JARID2: variants seen among roughly 807,000 people sequenced by gnomAD.
JARID2 encodes the protein jumonji and AT-rich interaction domain containing 2.
A neutral mutation model predicts 125.6 loss-of-function variants in JARID2; 21 were observed. The ratio of observed to expected loss-of-function variants is 0.17; its 90% CI spans 0.12 to 0.24. The LOEUF (loss-of-function observed/expected upper bound fraction) is 0.24, where lower values mean the gene tolerates loss of function less well. Among genes scored for constraint, JARID2 ranks in the 10% least tolerant of loss-of-function variants. The pLI is 1.00. For synonymous variants in JARID2, 736 were observed against 661.6 expected (o/e 1.11, Z -1.73); for missense variants, 1,303 against 1,639.6 (o/e 0.79, Z 3.55).
At chr6:15,361,168 T>C (rs1479877985) in intron 1 of JARID2, among the ~76,000 whole-genome samples, 1 of 152,216 alleles carries the variant, frequency 6.6e-6, no homozygotes, top group Non-Finnish European at 1.5e-5. Context: ...ACGCCACATC[T>C]AGTCTGTCAG....
chr6:15,327,342 C>A (rs1248528755), intron 1 of JARID2, among the ~76,000 whole-genome samples: 1 of 152,054 alleles, frequency 6.6e-6, no homozygotes, highest in East Asian at 1.9e-4. Flanking sequence ...TTTTGACTCG[C>A]CTCCACCCCA....
At chr6:15,276,726 C>T (rs1471146354) in intron 1 of JARID2, among the ~76,000 whole-genome samples, 1 of 152,180 alleles carries the variant, frequency 6.6e-6, no homozygotes, top group Non-Finnish European at 1.5e-5. Context: ...TCTTGGGGTT[C>T]TCTGGAATGA....
At chr6:15,380,724 C>A (rs1391841046) in intron 2 of JARID2, among the ~76,000 whole-genome samples, 1 of 152,114 alleles carries the variant, frequency 6.6e-6, no homozygotes, top group African/African-American at 2.4e-5. Context: ...CTTTCAGAAT[C>A]TTTCAGTCAT....
intron 1 of JARID2, among the ~76,000 whole-genome samples, chr6:15,269,199 T>A (rs1561758371): frequency 6.6e-6 from 1 of 152,094 alleles, no homozygotes; most frequent in Non-Finnish European, 1.5e-5. Context: ...CTGTAAAACC[T>A]CCTAATCTGA....
intron 1 of JARID2, among the ~76,000 whole-genome samples, chr6:15,301,980 A>G (rs991904941): frequency 8.5e-5 from 13 of 152,242 alleles, no homozygotes; most frequent in African/African-American, 2.9e-4. Context: ...GTATATGTCA[A>G]GAGAAAGAAT....
intron 1 of JARID2, among the ~76,000 whole-genome samples, chr6:15,366,518 C>CGGGG (rs1367437795): frequency 6.9e-5 from 1 of 14,408 alleles, no homozygotes; most frequent in African/African-American, 1.5e-4. Context: ...GCGGGGGGGG[C>CGGGG]GGGGGGGGTG....
intron 2 of JARID2, among the ~76,000 whole-genome samples, chr6:15,404,088 A>G (rs1765549450): frequency 6.6e-6 from 1 of 152,202 alleles, no homozygotes; most frequent in African/African-American, 2.4e-5. Flanking sequence ...GTTGACCACA[A>G]GTGTGCCACC....
At chr6:15,472,017 T>C (rs1038877451) in intron 5 of JARID2, among the ~76,000 whole-genome samples, 1 of 152,060 alleles carries the variant, frequency 6.6e-6, no homozygotes, top group African/African-American at 2.4e-5. Context: ...ATTTAAAAAT[T>C]TTTTTAATTT....
At chr6:15,341,828 TA>T (rs1763079692) in intron 1 of JARID2, among the ~76,000 whole-genome samples, 1 of 152,212 alleles carries the variant, frequency 6.6e-6, no homozygotes. Context: ...AGTTTAATAT[TA>T]TGGGAGGGTG....
chr6:15,382,169 A>G (rs1022420751), intron 2 of JARID2, among the ~76,000 whole-genome samples: 2 of 152,248 alleles, frequency 1.3e-5, no homozygotes, highest in Non-Finnish European at 2.9e-5. Context: ...AGGTTGAAGC[A>G]GGAGAATTGC....
In JARID2 at chr6:15,468,650, ATGC is replaced by A. The variant is rs1768864983; in HGVS notation, c.604_606del (p.Ala202del). 6.2e-7 allele frequency: 1 copy of A among 1,614,066 alleles called. No individual in the cohort carries two copies. The highest frequency in any genetic ancestry group is 1.3e-5 in the African/African-American group (1 of 74,934). On this transcript the variant is annotated inframe_deletion, in exon 5 of 18. Transcript: ENST00000341776. The stretch of plus-strand genomic sequence containing the variant: ...GAAGACGTCAAAACAGCCACCAACA[ATGC>A]TTCATCTTCATGCCAGTCGACCCCC...
intron 1 of JARID2, among the ~76,000 whole-genome samples, chr6:15,275,781 C>T (rs964316548): frequency 6.6e-6 from 1 of 152,078 alleles, no homozygotes; most frequent in Admixed American, 6.6e-5. Context: ...CCCTTTCCTT[C>T]TCTTGGGACA....
chr6:15,417,269 T>C (rs1041964161), intron 3 of JARID2, among the ~76,000 whole-genome samples: 3 of 152,168 alleles, frequency 2.0e-5, no homozygotes, highest in South Asian at 2.1e-4. Context: ...GACTTCTCAT[T>C]ATATCTTGAA....
intron 5 of JARID2, among the ~76,000 whole-genome samples, chr6:15,481,508 T>G (rs1769615061): frequency 6.6e-6 from 1 of 152,186 alleles, no homozygotes; most frequent in South Asian, 2.1e-4. Context: ...TCTTACAAAT[T>G]AAGACAAAAG....
At chr6:15,484,626 T>C (rs1164233010) in intron 5 of JARID2, among the ~76,000 whole-genome samples, 6 of 152,154 alleles carry the variant, frequency 3.9e-5, no homozygotes, top group Admixed American at 3.9e-4. Context: ...TTCCCCAGTC[T>C]ATAGATGGGA....
chr6:15,247,031 C>T (rs1759206154), intron 1 of JARID2, among the ~76,000 whole-genome samples: 2 of 152,164 alleles, frequency 1.3e-5, no homozygotes, highest in Admixed American at 6.5e-5. Flanking sequence ...GATCGAGGGT[C>T]CGATTATGGC....
At chr6:15,415,074 T>C (rs1415990771) in intron 3 of JARID2, among the ~76,000 whole-genome samples, 3 of 152,328 alleles carry the variant, frequency 2.0e-5, no homozygotes, top group Admixed American at 6.5e-5. Context: ...GCACCACCCT[T>C]AATCCATTTA....
chr6:15,369,207 T>C, intron 1 of JARID2: 1 of 320,364 alleles, frequency 3.1e-6, no homozygotes, highest in Non-Finnish European at 6.6e-6. Context: ...GTAAAAAGAC[T>C]CACAGTCCGG....
chr6:15,463,283 G>C (rs986600831), intron 4 of JARID2, among the ~76,000 whole-genome samples: 5 of 152,138 alleles, frequency 3.3e-5, no homozygotes, highest in Non-Finnish European at 7.3e-5. Flanking sequence ...ATGAGAGTTT[G>C]TAAAGGAGTG....
Sources: gnomAD v4.1 joint callset for allele counts (sites outside exome capture counted in the v4.1 genomes callset) on GRCh38, gnomAD v4.1.1 for gene constraint, MANE v1.5 for transcripts, NCBI Gene and HGNC (gene_info 2026-07-23, HGNC 2026-07-21) for gene names.